The following NSMAF variants were observed in gnomAD, a reference collection of about 807,000 sequenced individuals.
The protein encoded by NSMAF is protein FAN.
A neutral mutation model predicts 134.9 loss-of-function variants in NSMAF; 90 were observed. The observed-to-expected ratio is 0.67, with a 90% CI of 0.56 to 0.79. NSMAF has a LOEUF of 0.79. NSMAF is among the 30% of genes least tolerant of loss of function. The pLI is 0.00. For missense variants in NSMAF, 1,010 were observed against 1,119.0 expected (o/e 0.90, Z 1.39); for synonymous variants, 358 against 389.6 (o/e 0.92, Z 0.96).
intron 30 of NSMAF, among the ~76,000 whole-genome samples, chr8:58,584,779 G>A (rs1432599945): frequency 1.3e-5 from 2 of 152,134 alleles, no homozygotes; most frequent in African/African-American, 4.8e-5. Flanking sequence ...TGGGACCACA[G>A]GCGTGTGTCA....
chr8:58,601,845 G>A (rs1228994154), intron 14 of NSMAF, among the ~76,000 whole-genome samples: 1 of 152,188 alleles, frequency 6.6e-6, no homozygotes, highest in Non-Finnish European at 1.5e-5. Context: ...CAGTGAACCT[G>A]TAAACAGGTT....
chr8:58,591,989 A>G (rs1231756607), intron 23 of NSMAF, among the ~76,000 whole-genome samples: 4 of 152,350 alleles, frequency 2.6e-5, no homozygotes, highest in East Asian at 3.9e-4. Context: ...AATTCCTGAC[A>G]ATTTATAAAC....
Position 58,659,799 on chromosome 8 carries a change from G to T in NSMAF, c.-168C>A. The T allele has an allele frequency of 2.8e-6, 1 of 352,694 alleles. No homozygotes were observed. The highest frequency in any genetic ancestry group is 4.8e-6 in the Non-Finnish European group (1 of 209,910). The allele number at this position is 352,694 out of a possible 1,614,324, so 21.8% of individuals were successfully genotyped here. A position where few individuals can be genotyped will look rare whatever the true frequency, so the allele number is the denominator to read the frequency against. On this transcript the variant is annotated 5_prime_UTR_variant, in exon 1 of 31. Coordinates refer to ENST00000038176, the MANE Select transcript of NSMAF (RefSeq NM_003580.4). ...GCTGGGCGGCCGAGAGCCCGACGCGGCGTCCCGGCCGCGCTCACCGCAGCA... is the reference window on the plus strand; with the variant it reads ...GCTGGGCGGCCGAGAGCCCGACGCGTCGTCCCGGCCGCGCTCACCGCAGCA...
chr8:58,643,041 T>C lies in NSMAF; in HGVS notation c.92A>G (p.Tyr31Cys). 6.2e-7 allele frequency: 1 copy of C among 1,614,122 alleles called. No homozygotes were observed. The highest frequency in any genetic ancestry group is 8.5e-7 in the Non-Finnish European group (1 of 1,179,974). ...ATTGGCTCTATGCTGTTCAAAGTAG[T>C]ACTCCTCCAAGTTAAGCAGCAGCAA... The part of the protein sequence containing the change: ...FSLLLLNLEE[Y>C]YFEQHRANHI... Residue 31 changes from tyrosine (Y) to cysteine (C), a missense_variant, in exon 2 of 31, where the codon TAC becomes TGC. Coordinates refer to ENST00000038176, the MANE Select transcript of NSMAF (RefSeq NM_003580.4).
At chr8:58,639,990 C>A in intron 2 of NSMAF, 2 of 432,682 alleles carry the variant, frequency 4.6e-6, no homozygotes, top group Non-Finnish European at 9.3e-6. Context: ...GGTGGGAAAG[C>A]TCAGAGCTTT....
At chr8:58,639,600 T>C (rs925736537) in intron 2 of NSMAF, among the ~76,000 whole-genome samples, 25 of 152,354 alleles carry the variant, frequency 1.6e-4, no homozygotes, top group African/African-American at 6.0e-4. Context: ...ATCCCACTTC[T>C]GGGTATACAT....
At chr8:58,594,450 C>T (rs747442150) in intron 22 of NSMAF, 160 bp from the exon 23 acceptor site, 320 of 638,392 alleles carry the variant, frequency 5.0e-4, no homozygotes, top group Admixed American at 8.7e-4. Flanking sequence ...TACCAAATCA[C>T]TGCTTGGCAC....
intron 1 of NSMAF, among the ~76,000 whole-genome samples, chr8:58,645,897 C>T (rs753193921): frequency 6.6e-6 from 1 of 152,018 alleles, no homozygotes; most frequent in Non-Finnish European, 1.5e-5. Context: ...AAAAATTAGC[C>T]AGGCGTGGTG....
intron 9 of NSMAF, among the ~76,000 whole-genome samples, chr8:58,614,536 G>A (rs1466023466): frequency 1.3e-5 from 2 of 152,194 alleles, no homozygotes; most frequent in Non-Finnish European, 2.9e-5. Flanking sequence ...ATGGTTATGT[G>A]CAATCCTGAG....
chr8:58,654,725 T>G (rs1187344711), intron 1 of NSMAF, among the ~76,000 whole-genome samples: 1 of 152,196 alleles, frequency 6.6e-6, no homozygotes, highest in African/African-American at 2.4e-5. Flanking sequence ...TGGAAATCTG[T>G]GGAACTTACA....
At chr8:58,614,465 G>C (rs567589216) in intron 9 of NSMAF, among the ~76,000 whole-genome samples, 4 of 152,212 alleles carry the variant, frequency 2.6e-5, no homozygotes, top group Non-Finnish European at 5.9e-5. Flanking sequence ...CCATAGTGAA[G>C]GTTATAGGAT....
At position 58,605,928 on chromosome 8, in the gene NSMAF, T is replaced by C. The variant is rs2129141837; in HGVS notation, c.867A>G (p.Leu289=). The C allele has an allele frequency of 2.6e-6, 4 of 1,554,806 alleles. No individual in the cohort carries two copies. In the East Asian group the frequency reaches 7.1e-5, roughly 27 times the overall value. Residue 289 remains leucine (L), a splice_region_variant and synonymous_variant, in exon 12 of 31, where the codon CTA becomes CTG. Coordinates refer to ENST00000038176, the MANE Select transcript of NSMAF (RefSeq NM_003580.4). The stretch of plus-strand genomic sequence containing the variant: ...AACAATGAAGGGTGAGCGCCAAACC[T>C]AGGTATGTGGCAATGTAAAAATAGA... ...DDLYFYIATY[L]EHHVAEHTAE... is the part of the protein sequence containing the mutation.
At chr8:58,618,644 G>A (rs1806718751) in intron 9 of NSMAF, among the ~76,000 whole-genome samples, 1 of 152,012 alleles carries the variant, frequency 6.6e-6, no homozygotes, top group Non-Finnish European at 1.5e-5. Flanking sequence ...ATGTGAGTAG[G>A]AGCAGGCATG....
At chr8:58,584,448 T>C (rs1482743093) in intron 30 of NSMAF, among the ~76,000 whole-genome samples, 1 of 152,176 alleles carries the variant, frequency 6.6e-6, no homozygotes, top group Non-Finnish European at 1.5e-5. Context: ...CTGGGAATTA[T>C]GGATATAGAA....
chr8:58,635,742 C>A (rs183086922), intron 2 of NSMAF, among the ~76,000 whole-genome samples, 196 bp from the exon 3 acceptor site: 1 of 152,172 alleles, frequency 6.6e-6, no homozygotes, highest in Non-Finnish European at 1.5e-5. Context: ...TTGGCATTTA[C>A]AATTCAAATG....
Position 58,587,599 on chromosome 8 carries a change from G to C in NSMAF, c.2295+19C>G. ...ACTTTTAAGGTCAGTTTTCTGTACA[G>C]TTTGTTGCTGGTACTCACACTGACA... On this transcript the variant is annotated intron_variant, in intron 27 of 30. Transcript: ENST00000038176. 6.2e-7 allele frequency: 1 copy of C among 1,610,964 alleles called. No individual in the cohort carries two copies. The highest frequency in any genetic ancestry group is 8.5e-7 in the Non-Finnish European group (1 of 1,177,210).
chr8:58,583,931 A>G lies in NSMAF; in HGVS notation c.*175T>C, dbSNP rs1050488. The stretch of plus-strand genomic sequence containing the variant: ...CGCATTTTATCTGCCCTAAGAGAAT[A>G]GCAACTAATGGCTTTCAATGAAGTC... On this transcript the variant is annotated 3_prime_UTR_variant, in exon 31 of 31. Coordinates refer to ENST00000038176, the MANE Select transcript of NSMAF (RefSeq NM_003580.4). 0.3 allele frequency: 185,846 copies of G among 612,532 alleles called. 29,495 individuals carry two copies. The highest frequency in any genetic ancestry group is 0.37 in the South Asian group (19,447 of 52,878). 37.9% of individuals were successfully genotyped at this position (612,532 alleles called of 1,614,324 possible). A position where few individuals can be genotyped will look rare whatever the true frequency, so the allele number is the denominator to read the frequency against.
At chr8:58,606,686 T>C (rs910136164) in intron 11 of NSMAF, among the ~76,000 whole-genome samples, 1 of 152,220 alleles carries the variant, frequency 6.6e-6, no homozygotes, top group African/African-American at 2.4e-5. Flanking sequence ...ATAGTGTTAG[T>C]AAGGCTGAGC....
Position 58,587,681 on chromosome 8 carries a change from T to G in NSMAF, c.2232A>C (p.Ala744=). 1 of 1,614,188 alleles carries G rather than the reference T, an allele frequency of 6.2e-7. No individual in the cohort carries two copies. Reference sequence around the variant, plus strand: ...GGTGTCTTTTGGTGCCTGGCATCTCTGCAGGAACACCAGACCACACCTAGG... The same window carrying G: ...GGTGTCTTTTGGTGCCTGGCATCTCGGCAGGAACACCAGACCACACCTAGG... The part of the protein sequence containing the change: ...STVKVWSGVP[A]EMPGTKRHHF... Residue 744 remains alanine, a synonymous_variant, in exon 27 of 31, where the codon GCA becomes GCC. Coordinates refer to ENST00000038176, the MANE Select transcript of NSMAF (RefSeq NM_003580.4).
Sources: allele counts gnomAD v4.1 joint callset (sites outside exome capture counted in the v4.1 genomes callset), GRCh38; gene constraint gnomAD v4.1.1; transcripts MANE v1.5; gene names NCBI Gene and HGNC (gene_info 2026-07-23, HGNC 2026-07-21).